Variants in CTNNA2 observed in about 807,000 individuals in gnomAD.
CTNNA2 encodes the protein catenin alpha 2, also known as catenin alpha-2.
Under a neutral mutation model 101.0 loss-of-function variants are expected in CTNNA2, and 42 were observed. The ratio of observed to expected loss-of-function variants is 0.42; its 90% CI spans 0.32 to 0.54. The LOEUF is 0.54. CTNNA2 is among the 20% of genes least tolerant of loss of function. CTNNA2 has a pLI of 0.14. For missense variants in CTNNA2, 871 were observed against 1,223.1 expected (o/e 0.71, Z 4.29); for synonymous variants, 450 against 456.4 (o/e 0.99, Z 0.18).
intron 1 of CTNNA2, among the ~76,000 whole-genome samples, chr2:79,573,099 C>T (rs561005933): frequency 1.1e-4 from 16 of 152,180 alleles, no homozygotes; most frequent in African/African-American, 2.2e-4. Context: ...TCTTCATTAG[C>T]GTCAGACTGG....
intron 8 of CTNNA2, among the ~76,000 whole-genome samples, chr2:80,403,647 A>T (rs1678787077): frequency 6.6e-6 from 1 of 152,204 alleles, no homozygotes; most frequent in South Asian, 2.1e-4. Flanking sequence ...TGATGCACAT[A>T]TGGTGCCACT....
In CTNNA2 at chr2:80,159,400, C is replaced by G. The variant is rs1338875599; in HGVS notation, c.1057-233811C>G. On this transcript the variant is annotated intron_variant, in intron 7 of 18. Transcript: ENST00000402739. Reference sequence around the variant, plus strand: ...GTCATCCTGTTTCTCTGAATTCTCACCAGCATTTGGTGTTTTCACAACTTA... The same window carrying G: ...GTCATCCTGTTTCTCTGAATTCTCAGCAGCATTTGGTGTTTTCACAACTTA... Among the ~76,000 whole-genome samples, 4 of 152,146 alleles carry G rather than the reference C, an allele frequency of 2.6e-5. No homozygotes were observed. In the East Asian group the frequency reaches 7.7e-4, roughly 29 times the overall value.
At chr2:80,240,281 C>T (rs946558626) in intron 7 of CTNNA2, among the ~76,000 whole-genome samples, 2 of 152,222 alleles carry the variant, frequency 1.3e-5, no homozygotes, top group African/African-American at 4.8e-5. Context: ...ATCACTTGGC[C>T]TTGGCTTTAG....
At chr2:79,938,971 T>C (rs1236302993) in intron 7 of CTNNA2, among the ~76,000 whole-genome samples, 1 of 152,182 alleles carries the variant, frequency 6.6e-6, no homozygotes, top group Non-Finnish European at 1.5e-5. Context: ...GACAATGCCA[T>C]GGAGTGGTCC....
At chr2:79,856,667 T>A (rs1681161647) in intron 3 of CTNNA2, among the ~76,000 whole-genome samples, 1 of 152,216 alleles carries the variant, frequency 6.6e-6, no homozygotes, top group South Asian at 2.1e-4. Context: ...GTTAATTATC[T>A]CTTTGTTTCC....
At chr2:79,359,141 C>T (rs1677571596) in intron 3 of CTNNA2, among the ~76,000 whole-genome samples, 2 of 151,978 alleles carry the variant, frequency 1.3e-5, no homozygotes, top group South Asian at 2.1e-4. Flanking sequence ...ACTTTTGATA[C>T]AGAGGGAGTG....
At chr2:80,574,095 C>G (rs1422856379) in intron 12 of CTNNA2, 68 bp from the exon 13 acceptor site, 1 of 1,532,014 alleles carries the variant, frequency 6.5e-7, no homozygotes, top group South Asian at 1.2e-5. Context: ...GCCACTTCGC[C>G]CAAGAGCTGG....
intron 4 of CTNNA2, among the ~76,000 whole-genome samples, chr2:79,436,957 G>T (rs1298984231): frequency 6.6e-6 from 1 of 151,940 alleles, no homozygotes; most frequent in Non-Finnish European, 1.5e-5. Context: ...AGGAGGGCTG[G>T]GTGCAATGGC....
At chr2:80,056,319 A>G (rs925630348) in intron 7 of CTNNA2, among the ~76,000 whole-genome samples, 7 of 152,182 alleles carry the variant, frequency 4.6e-5, no homozygotes, top group African/African-American at 1.7e-4. Context: ...TGATTACACA[A>G]TTTCCTTCAC....
intron 7 of CTNNA2, among the ~76,000 whole-genome samples, chr2:80,072,716 T>C (rs1572996635): frequency 6.6e-6 from 1 of 152,056 alleles, no homozygotes; most frequent in East Asian, 1.9e-4. Context: ...AGTGAATTAT[T>C]GTGGGCAATG....
intron 7 of CTNNA2, among the ~76,000 whole-genome samples, chr2:80,124,470 G>A (rs1702009434): frequency 1.3e-5 from 2 of 152,024 alleles, no homozygotes; most frequent in Admixed American, 6.6e-5. Context: ...AGAAAGTAGC[G>A]GTCCGGGGTT....
chr2:80,170,262 T>C (rs1309112774), intron 7 of CTNNA2, among the ~76,000 whole-genome samples: 1 of 151,944 alleles, frequency 6.6e-6, no homozygotes, highest in Admixed American at 6.6e-5. Context: ...TGTGTGTGTG[T>C]GGAGTACATC....
intron 4 of CTNNA2, among the ~76,000 whole-genome samples, chr2:79,438,463 C>T (rs1435274967): frequency 1.3e-5 from 2 of 152,082 alleles, no homozygotes; most frequent in African/African-American, 4.8e-5. Context: ...ATGGTCGGCC[C>T]CTCTAGATGA....
chr2:80,338,768 C>T (rs181219174), intron 7 of CTNNA2, among the ~76,000 whole-genome samples: 11 of 152,232 alleles, frequency 7.2e-5, no homozygotes, highest in Admixed American at 4.6e-4. Context: ...TTACTGCAGT[C>T]CTGGTAGTTT....
intron 17 of CTNNA2, among the ~76,000 whole-genome samples, chr2:80,617,110 G>T (rs1176759048): frequency 1.3e-5 from 2 of 151,586 alleles, no homozygotes; most frequent in African/African-American, 4.8e-5. Context: ...AAAAACTTAA[G>T]GTGTTTATTG....
intron 14 of CTNNA2, among the ~76,000 whole-genome samples, chr2:80,582,471 A>G (rs1055437160): frequency 3.3e-5 from 5 of 152,192 alleles, no homozygotes; most frequent in African/African-American, 4.8e-5. Flanking sequence ...CAGAGAGAGT[A>G]CCAGCTCTGC....
intron 2 of CTNNA2, among the ~76,000 whole-genome samples, chr2:79,305,030 T>C (rs1322214617): frequency 6.6e-6 from 1 of 151,956 alleles, no homozygotes. Flanking sequence ...AAGACTATAG[T>C]GGGGTTTTGT....
intron 2 of CTNNA2, among the ~76,000 whole-genome samples, chr2:79,675,889 G>A (rs1683153581): frequency 6.6e-6 from 1 of 152,084 alleles, no homozygotes; most frequent in African/African-American, 2.4e-5. Context: ...TATTCCTTTG[G>A]GCAAGATAAA....
chr2:79,541,792 A>G (rs1673441004), intron 1 of CTNNA2, among the ~76,000 whole-genome samples: 2 of 151,774 alleles, frequency 1.3e-5, no homozygotes, highest in African/African-American at 2.4e-5. Flanking sequence ...ACGCCCAACT[A>G]ATTTTTGTAT....
Sources: gnomAD v4.1 joint callset for allele counts (sites outside exome capture counted in the v4.1 genomes callset) on GRCh38, gnomAD v4.1.1 for gene constraint, MANE v1.5 for transcripts, NCBI Gene and HGNC (gene_info 2026-07-23, HGNC 2026-07-21) for gene names.